The following AAMDC variants were observed in gnomAD, a reference collection of about 807,000 sequenced individuals.
AAMDC encodes the protein adipogenesis associated Mth938 domain containing.
Under a neutral mutation model 15.5 loss-of-function variants are expected in AAMDC, and 16 were observed. The ratio of observed to expected loss-of-function variants is 1.03; its 90% confidence interval spans 0.70 to 1.57. The LOEUF is 1.57. Among genes scored for constraint, AAMDC ranks in the 40% most tolerant of loss-of-function variants. The probability of loss-of-function intolerance (pLI) is 0.00; values close to 1 mark genes in which losing one functional copy is unlikely to be tolerated. For synonymous variants in AAMDC, 51 were observed against 51.6 expected (o/e 0.99, Z 0.05); for missense variants, 141 against 144.9 (o/e 0.97, Z 0.14).
intron 2 of AAMDC, among the ~76,000 whole-genome samples, chr11:77,859,872 AT>A (rs1950802457): frequency 6.6e-6 from 1 of 152,220 alleles, no homozygotes; most frequent in Non-Finnish European, 1.5e-5. Context: ...ACAGCCTGAT[AT>A]TTAAGTAAAT....
intron 2 of AAMDC, among the ~76,000 whole-genome samples, chr11:77,860,721 A>C (rs1464867605): frequency 1.3e-5 from 2 of 152,200 alleles, no homozygotes; most frequent in African/African-American, 4.8e-5. Flanking sequence ...GGTTTGAAGG[A>C]TCTTCAAAGG....
chr11:77,830,349 A>G (rs1353171244), intron 1 of AAMDC, among the ~76,000 whole-genome samples: 2 of 152,158 alleles, frequency 1.3e-5, no homozygotes, highest in African/African-American at 2.4e-5. Flanking sequence ...CCTGCCACCA[A>G]AAGGTTTGCT....
At chr11:77,848,557 A>C (rs779846885) in intron 2 of AAMDC, among the ~76,000 whole-genome samples, 13 of 151,960 alleles carry the variant, frequency 8.6e-5, no homozygotes, top group Non-Finnish European at 1.6e-4. Context: ...GTGGGGTTTC[A>C]CCATGTTGGC....
At chr11:77,877,044 A>C (rs1951616576), downstream of AAMDC, 1 of 703,044 alleles carries the variant, frequency 1.4e-6, no homozygotes, top group Non-Finnish European at 2.6e-6. Context: ...GAGAGATGCA[A>C]AACAGGTAAG....
intron 5 of AAMDC, chr11:77,883,810 C>T: frequency 6.2e-7 from 1 of 1,610,212 alleles, no homozygotes; most frequent in Non-Finnish European, 8.5e-7. Context: ...TTTCCCTTCC[C>T]ACCCTGGTCC....
At chr11:77,891,847 G>A in intron 5 of AAMDC, 6 of 1,610,732 alleles carry the variant, frequency 3.7e-6, no homozygotes, top group African/African-American at 1.3e-5. Context: ...ATACCTGGAG[G>A]AACAAACAGA....
intron 2 of AAMDC, among the ~76,000 whole-genome samples, chr11:77,852,244 A>AAAAAAAG (rs1950424211): frequency 1.4e-5 from 2 of 146,532 alleles, no homozygotes; most frequent in African/African-American, 5.0e-5. Context: ...AAAAAAAAGA[A>AAAAAAAG]GAAGAAGAAG....
chr11:77,834,873 A>T (rs1949614560), intron 1 of AAMDC, among the ~76,000 whole-genome samples: 2 of 152,208 alleles, frequency 1.3e-5, no homozygotes, highest in South Asian at 4.1e-4. Context: ...TTACCACTCA[A>T]ACTGTAACAT....
At chr11:77,852,447 A>G (rs1302701020) in intron 2 of AAMDC, among the ~76,000 whole-genome samples, 3 of 152,080 alleles carry the variant, frequency 2.0e-5, no homozygotes, top group Admixed American at 2.0e-4. Flanking sequence ...TCAAACTTCA[A>G]ACTATGACAG....
chr11:77,899,243 C>G (rs190059938), intron 5 of AAMDC, among the ~76,000 whole-genome samples: 1 of 151,818 alleles, frequency 6.6e-6, no homozygotes, highest in African/African-American at 2.4e-5. Context: ...GCCCTCTTAA[C>G]CAGTATGTTC....
chr11:77,821,321 A>G (rs756265333), intron 1 of AAMDC, 80 bp downstream of exon 1: 4 of 159,110 alleles, frequency 2.5e-5, no homozygotes, highest in Non-Finnish European at 5.5e-5. Context: ...GAAAAAGGGA[A>G]TAGGGCGGGG....
At chr11:77,901,449 G>A, downstream of AAMDC, 1 of 1,613,924 alleles carries the variant, frequency 6.2e-7, no homozygotes, top group Non-Finnish European at 8.5e-7. Context: ...GTTACTATAA[G>A]TTGCAAAGCT....
chr11:77,844,580 T>G (rs1463197390), intron 2 of AAMDC, among the ~76,000 whole-genome samples: 1 of 152,100 alleles, frequency 6.6e-6, no homozygotes, highest in Non-Finnish European at 1.5e-5. Flanking sequence ...CAGGCTGGTC[T>G]TGAACTCCTG....
intron 5 of AAMDC, among the ~76,000 whole-genome samples, chr11:77,887,122 G>C (rs1261157766): frequency 1.3e-5 from 2 of 151,958 alleles, no homozygotes; most frequent in African/African-American, 4.8e-5. Flanking sequence ...AGGAAATAGA[G>C]ACACAAAAAA....
At chr11:77,837,596 C>T (rs953445099) in intron 1 of AAMDC, among the ~76,000 whole-genome samples, 2 of 151,724 alleles carry the variant, frequency 1.3e-5, no homozygotes, top group Non-Finnish European at 1.5e-5. Context: ...TCACTACGCC[C>T]GGCTAATTTT....
chr11:77,825,549 G>A (rs1053214881), intron 1 of AAMDC, among the ~76,000 whole-genome samples: 4 of 152,122 alleles, frequency 2.6e-5, no homozygotes, highest in African/African-American at 9.7e-5. Flanking sequence ...ATAAGAAGAT[G>A]TATGAAAATA....
Position 77,859,089 on chromosome 11 carries a change from TG to T in AAMDC, c.133-10631del, listed in dbSNP as rs1408756457. ...GTGAAGGGTTTTAAATAATTTCCAT[TG>T]GTTAGCTGCAGGCAAAAGTATTTTT... is the stretch of plus-strand genomic sequence containing the variant. On this transcript the variant is annotated intron_variant, in intron 2 of 3. Transcript: ENST00000393427. 3.3e-5 allele frequency among the ~76,000 whole-genome samples: 5 copies of T among 152,330 alleles called. No individual in the cohort carries two copies. The South Asian group carries it at 1.0e-3, about 32-fold the overall frequency.
At chr11:77,905,849 T>C (rs886701708) in intron 3 of AAMDC, among the ~76,000 whole-genome samples, 7 of 152,208 alleles carry the variant, frequency 4.6e-5, no homozygotes, top group African/African-American at 1.7e-4. Context: ...AATTTCTTTA[T>C]AAATATGGCT....
chr11:77,844,472 C>A (rs534200586), intron 2 of AAMDC, among the ~76,000 whole-genome samples: 2 of 152,010 alleles, frequency 1.3e-5, no homozygotes, highest in Non-Finnish European at 2.9e-5. Flanking sequence ...AAGGGATCTT[C>A]CTCCCTCAGC....
Sources: allele counts gnomAD v4.1 joint callset (sites outside exome capture counted in the v4.1 genomes callset), GRCh38; gene constraint gnomAD v4.1.1; transcripts MANE v1.5; gene names NCBI Gene and HGNC (gene_info 2026-07-23, HGNC 2026-07-21).